The following NOTUM variants were observed in gnomAD, a reference collection of about 807,000 sequenced individuals.
NOTUM encodes palmitoleoyl-protein carboxylesterase NOTUM.
In NOTUM, 36 loss-of-function variants were observed where a neutral mutation model predicts 65.5. The observed-to-expected ratio is 0.55, with a 90% CI of 0.42 to 0.73. NOTUM has a LOEUF of 0.73. NOTUM is among the 30% of genes least tolerant of loss of function. The probability of loss-of-function intolerance (pLI) is 0.00; values close to 1 mark genes in which losing one functional copy is unlikely to be tolerated. For synonymous variants in NOTUM, 356 were observed against 297.9 expected (o/e 1.20, Z -2.01); for missense variants, 659 against 694.2 (o/e 0.95, Z 0.57).
chr17:81,957,545 C>T (rs1598368380), intron 6 of NOTUM, among the ~76,000 whole-genome samples: 1 of 152,052 alleles, frequency 6.6e-6, no homozygotes, highest in Non-Finnish European at 1.5e-5. Flanking sequence ...CCAAACCTTC[C>T]CCTATATCCA....
Position 81,952,720 on chromosome 17 carries a change from G to A in NOTUM, c.*241C>T, listed in dbSNP as rs1167671002. The A allele has an allele frequency of 4.6e-5, 26 of 567,732 alleles. 1 individual carries two copies. The highest frequency in any genetic ancestry group is 2.2e-4 in the South Asian group (10 of 46,300). 35.2% of individuals were successfully genotyped at this position (567,732 alleles called of 1,614,324 possible). On this transcript the variant is annotated 3_prime_UTR_variant, in exon 11 of 11. Coordinates refer to ENST00000409678, the MANE Select transcript of NOTUM (RefSeq NM_178493.6). ...GTGCTTCTCTTCTGGCTACCCCCTC[G>A]TTGTCAGGAAGGACCCCCAGGCCAC...
At chr17:81,958,243 G>A (rs367791131) in intron 5 of NOTUM, 92 bp downstream of exon 5, 19 of 855,062 alleles carry the variant, frequency 2.2e-5, no homozygotes, top group East Asian at 1.5e-4. Context: ...CTGCCGTCCC[G>A]CCTCATCCCT....
intron 6 of NOTUM, 107 bp downstream of exon 6, chr17:81,957,699 G>A: frequency 1.3e-6 from 1 of 766,294 alleles, no homozygotes; most frequent in Non-Finnish European, 2.2e-6. Context: ...GATCTGCACA[G>A]GCTCCACTCC....
intron 9 of NOTUM, among the ~76,000 whole-genome samples, chr17:81,954,918 A>C (rs2041417234): frequency 6.9e-6 from 1 of 144,234 alleles, no homozygotes; most frequent in Non-Finnish European, 1.5e-5. Flanking sequence ...TGCCAGGCCC[A>C]AGACCGATCT....
intron 9 of NOTUM, 89 bp from the exon 10 acceptor site, chr17:81,954,392 C>T: frequency 2.3e-6 from 2 of 885,858 alleles, no homozygotes; most frequent in Non-Finnish European, 3.6e-6. Context: ...CCCCGCCTGG[C>T]CATCACCCCT....
chr17:81,960,941 T>A lies in NOTUM; in HGVS notation c.-32A>T. 8.4e-7 allele frequency: 1 copy of A among 1,192,764 alleles called. No individual in the cohort carries two copies. The allele number at this position is 1,192,764 out of a possible 1,614,324, so 73.9% of individuals were successfully genotyped here. A position where few individuals can be genotyped will look rare whatever the true frequency, so the allele number is the denominator to read the frequency against. ...GTCCACCTGCGGGGAGCGGGCGGCCTTGAGGCGGCGGCGGCGGCGGCGGGG... is the reference window on the plus strand; with the variant it reads ...GTCCACCTGCGGGGAGCGGGCGGCCATGAGGCGGCGGCGGCGGCGGCGGGG... On this transcript the variant is annotated 5_prime_UTR_variant, in exon 1 of 11. The change creates a new upstream start codon in the 5' untranslated region. Transcript: ENST00000409678. The surrounding 1 kb of genome is among the most constrained non-coding windows in gnomAD (Gnocchi z 6.4).
intron 3 of NOTUM, 197 bp from the exon 4 acceptor site, chr17:81,959,192 C>G (rs536878482): frequency 3.2e-6 from 2 of 623,158 alleles, no homozygotes; most frequent in African/African-American, 3.7e-5. Flanking sequence ...ACCATGGCCA[C>G]GGTGCCCGGC....
At chr17:81,954,090 C>A (rs769714408) in intron 10 of NOTUM, among the ~76,000 whole-genome samples, 166 bp downstream of exon 10, 21 of 152,194 alleles carry the variant, frequency 1.4e-4, no homozygotes, top group Non-Finnish European at 2.8e-4. Flanking sequence ...AGTCTTAATT[C>A]TTGCCATACA....
rs746846072 is a variant in NOTUM, at chr17:81,952,832, C to A, written c.*129G>T. ...CCGGGGCAGGAGGGCAGTGGGCAGA[C>A]CCAGACAGGGGGGACGGCTGGGGCC... On this transcript the variant is annotated 3_prime_UTR_variant, in exon 11 of 11. Coordinates refer to ENST00000409678, the MANE Select transcript of NOTUM (RefSeq NM_178493.6). The A allele has an allele frequency of 7.8e-5, 65 of 832,088 alleles. No homozygotes were observed. The highest frequency in any genetic ancestry group is 1.1e-4 in the Non-Finnish European group (56 of 516,826). 51.5% of individuals were successfully genotyped at this position (832,088 alleles called of 1,614,324 possible). A position where few individuals can be genotyped will look rare whatever the true frequency, so the allele number is the denominator to read the frequency against.
intron 3 of NOTUM, 33 bp from the exon 4 acceptor site, chr17:81,959,028 G>A: frequency 1.9e-6 from 3 of 1,595,416 alleles, no homozygotes; most frequent in African/African-American, 1.3e-5. Context: ...TCTTTCTAGC[G>A]GGAGGAGGCT....
intron 6 of NOTUM, among the ~76,000 whole-genome samples, chr17:81,957,568 T>C (rs2041442970): frequency 6.6e-6 from 1 of 151,900 alleles, no homozygotes; most frequent in Non-Finnish European, 1.5e-5. Flanking sequence ...AACCATGGCG[T>C]CCAGAAGCAT....
intron 7 of NOTUM, 37 bp downstream of exon 7, chr17:81,956,846 G>C: frequency 6.3e-7 from 1 of 1,599,164 alleles, no homozygotes; most frequent in Non-Finnish European, 8.5e-7. Flanking sequence ...CTGGGGCAAA[G>C]CTGCAGCACG....
chr17:81,960,317 C>A lies in NOTUM; in HGVS notation c.323+270G>T, dbSNP rs1203963270. ...GGCGCGCTCTCGGGCTGCCATCTCC[C>A]CGCCCCGGGACCGAAGGACGCCAGC... On this transcript the variant is annotated intron_variant, in intron 1 of 10. Coordinates refer to ENST00000409678, the MANE Select transcript of NOTUM (RefSeq NM_178493.6). This position sits in a 1 kb window ranked among gnomAD's most constrained non-coding sequence, Gnocchi z 6.4. Among the ~76,000 whole-genome samples the A allele has an allele frequency of 6.6e-6, 1 of 152,228 alleles. No homozygotes were observed. The highest frequency in any genetic ancestry group is 2.4e-5 in the African/African-American group (1 of 41,464).
At chr17:81,957,937 A>G in intron 5 of NOTUM, 29 bp from the exon 6 acceptor site, 1 of 1,507,928 alleles carries the variant, frequency 6.6e-7, no homozygotes. Context: ...GGCCTCAGGT[A>G]GGGGCCTGGA....
At chr17:81,955,349 T>A in intron 9 of NOTUM, 48 bp downstream of exon 9, 1 of 1,467,044 alleles carries the variant, frequency 6.8e-7, no homozygotes, top group South Asian at 1.3e-5. Context: ...TATTTTTAAA[T>A]AAGGAGGGAG....
At chr17:81,953,739 G>C (rs1444204316) in intron 10 of NOTUM, among the ~76,000 whole-genome samples, 1 of 151,452 alleles carries the variant, frequency 6.6e-6, no homozygotes, top group Non-Finnish European at 1.5e-5. Context: ...GAGTAGCTGG[G>C]ATTACAGGTG....
At chr17:81,953,863 CCT>C (rs1237763076) in intron 10 of NOTUM, among the ~76,000 whole-genome samples, 3 of 151,288 alleles carry the variant, frequency 2.0e-5, no homozygotes, top group Admixed American at 1.3e-4. Context: ...CTCACCATAA[CCT>C]CTGTCTCCCA....
chr17:81,958,874 A>AC (rs34753140), intron 4 of NOTUM, 61 bp downstream of exon 4: 24 of 1,266,336 alleles, frequency 1.9e-5, no homozygotes, highest in South Asian at 3.6e-5. Flanking sequence ...CCAAGGAAGG[A>AC]CCCCCCGGGA....
chr17:81,959,216 A>C (rs2041455713), intron 3 of NOTUM: 1 of 613,622 alleles, frequency 1.6e-6, no homozygotes, highest in South Asian at 1.9e-5. Context: ...GCTGGACACC[A>C]GGTCTGACCT....
Sources: allele counts gnomAD v4.1 joint callset (sites outside exome capture counted in the v4.1 genomes callset), GRCh38; gene constraint gnomAD v4.1.1; non-coding constraint Gnocchi (gnomAD v3.1); transcripts MANE v1.5; gene names NCBI Gene and HGNC (gene_info 2026-07-23, HGNC 2026-07-21).